Variants in NWD1 observed in about 807,000 individuals in gnomAD.
NWD1 encodes NACHT and WD repeat domain containing 1.
In NWD1, 129 loss-of-function variants were observed where a neutral mutation model predicts 135.1. That is an observed-to-expected ratio of 0.96 (90% CI 0.83 to 1.11). NWD1 has a LOEUF of 1.11. Ranked by LOEUF, NWD1 falls within the 50% of genes least tolerant of loss-of-function variation. The pLI, the probability that NWD1 is intolerant of heterozygous loss-of-function variation, is 0.00. For missense variants in NWD1, 1,740 were observed against 1,851.3 expected, an observed-to-expected ratio of 0.94 and a Z score of 1.10; for synonymous variants, 773 against 786.0, an observed-to-expected ratio of 0.98 and a Z score of 0.28.
intron 1 of NWD1, among the ~76,000 whole-genome samples, chr19:16,723,816 C>T (rs1967226719): frequency 6.6e-6 from 1 of 152,050 alleles, no homozygotes; most frequent in South Asian, 2.1e-4. Context: ...GTGTCTGAGC[C>T]CCCCACGTAG....
chr19:16,797,772 G>A lies in NWD1; in HGVS notation c.3345G>A (p.Arg1115=). ...RSVRIFLADS[R]GFRRFMAMDL... ...TGCGGATATTCTTGGCGGACTCGAG[G>A]GGCTTTCGCCGATTCATGGCCATGG... The change falls in exon 16 of 19, where the codon AGG becomes AGA. Residue 1115 remains arginine, a synonymous_variant. Coordinates refer to ENST00000524140, the MANE Select transcript of NWD1 (RefSeq NM_001007525.5). The A allele has an allele frequency of 6.2e-6, 10 of 1,614,084 alleles. No individual in the cohort carries two copies. The highest frequency in any genetic ancestry group is 7.6e-6 in the Non-Finnish European group (9 of 1,179,994).
rs1440641790 is a variant in NWD1, at chr19:16,765,116, C to G, written c.2334C>G (p.His778Gln). 1 of 1,614,180 alleles carries G rather than the reference C, an allele frequency of 6.2e-7. No homozygotes were observed. The highest frequency in any genetic ancestry group is 1.7e-5 in the Admixed American group (1 of 60,018). ...LLDDFDLCAP[H>Q]LDSPEVGLVR... ...ATGACTTTGACCTGTGTGCCCCTCA[C>G]CTGGACTCCCCTGAGGTTGGCCTGG... is the stretch of plus-strand genomic sequence containing the variant. The change falls in exon 10 of 19, where the codon CAC (histidine) becomes CAG (glutamine). Residue 778 changes from histidine to glutamine, a missense_variant. Transcript: ENST00000524140.
intron 1 of NWD1, among the ~76,000 whole-genome samples, chr19:16,720,725 T>C (rs1967103945): frequency 6.6e-6 from 1 of 152,126 alleles, no homozygotes; most frequent in South Asian, 2.1e-4. Flanking sequence ...GGCTAATTTT[T>C]TGTATTTTTA....
At chr19:16,725,964 T>TC (rs1967313485) in intron 2 of NWD1, among the ~76,000 whole-genome samples, 1 of 131,916 alleles carries the variant, frequency 7.6e-6, no homozygotes, top group Non-Finnish European at 1.7e-5. Context: ...TTGTTTGTTT[T>TC]TTTTTGCTTT....
intron 3 of NWD1, among the ~76,000 whole-genome samples, chr19:16,734,351 ATCCT>A (rs1967702997): frequency 6.6e-6 from 1 of 152,018 alleles, no homozygotes; most frequent in African/African-American, 2.4e-5. Context: ...GATTGAGACC[ATCCT>A]GGCTAACACG....
Position 16,738,850 on chromosome 19 carries a change from A to C in NWD1, c.198+2100A>C, listed in dbSNP as rs1319436444. Among the ~76,000 whole-genome samples the C allele has an allele frequency of 7.3e-5, 10 of 136,204 alleles. 1 individual carries two copies. In the East Asian group the frequency reaches 2.0e-3, roughly 27 times the overall value. The allele number at this position is 136,204 out of a possible 152,430, so 89.4% of individuals were successfully genotyped here. On this transcript the variant is annotated intron_variant, in intron 4 of 18. Transcript: ENST00000524140. The stretch of plus-strand genomic sequence containing the variant: ...AATGTATACATTATATATTATATAT[A>C]ATACATTATCTATAATATATAATAC...
At chr19:16,745,464 C>G (rs1388450588) in intron 5 of NWD1, among the ~76,000 whole-genome samples, 4 of 151,828 alleles carry the variant, frequency 2.6e-5, no homozygotes, top group African/African-American at 9.7e-5. Context: ...CCCAGTAGTG[C>G]CTACCTGTAA....
chr19:16,778,315 G>A (rs1759666560), intron 11 of NWD1, among the ~76,000 whole-genome samples: 1 of 152,034 alleles, frequency 6.6e-6, no homozygotes, highest in Non-Finnish European at 1.5e-5. Context: ...AACTCCACCA[G>A]GCAGAGATCC....
chr19:16,744,856 TCTGAGAAAGGCTGTTTTA>T, intron 5 of NWD1, 138 bp downstream of exon 5: 1 of 734,868 alleles, frequency 1.4e-6, no homozygotes, highest in Non-Finnish European at 2.3e-6. Context: ...GTCCCTCGGC[TCTGAGAAAGGCTGTTTTA>T]CTGATCCAAG....
At chr19:16,814,110 T>C (rs1289937975) in intron 18 of NWD1, among the ~76,000 whole-genome samples, 1 of 152,076 alleles carries the variant, frequency 6.6e-6, no homozygotes, top group African/African-American at 2.4e-5. Flanking sequence ...CAGTGAGCCA[T>C]GATAGCACCA....
chr19:16,767,167 CTTTTTTTTTTTTTT>C (rs56324724), intron 10 of NWD1, among the ~76,000 whole-genome samples: 7 of 67,024 alleles, frequency 1.0e-4, no homozygotes, highest in South Asian at 7.6e-4. Context: ...AGAGGTGCGT[CTTTTTTTTTTTTTT>C]TTTTTTTTTT....
intron 3 of NWD1, among the ~76,000 whole-genome samples, chr19:16,733,201 C>G (rs965805266): frequency 1.3e-5 from 2 of 149,540 alleles, no homozygotes; most frequent in African/African-American, 4.9e-5. Context: ...AGCCTGGGTG[C>G]CAGATTGGGA....
rs1968493458 is a variant in NWD1 at position 16,749,877 on chromosome 19, G to A, written c.1235G>A (p.Arg412Lys). Reference protein sequence around the residue: ...PPAQVLDAHTRVVQFFHTLLH... With the variant: ...PPAQVLDAHTKVVQFFHTLLH... Reference sequence around the variant, plus strand: ...GCCCAGGTTCTGGACGCCCACACCAGGGTGGTCCAGTTTTTCCATACCCTC... The same window carrying A: ...GCCCAGGTTCTGGACGCCCACACCAAGGTGGTCCAGTTTTTCCATACCCTC... The change falls in exon 6 of 19, where the codon AGG (arginine) becomes AAG (lysine). Residue 412 changes from arginine to lysine, a missense_variant. Arg to Lys is a conservative substitution (Grantham distance 26). Transcript: ENST00000524140. 1.2e-6 allele frequency: 2 copies of A among 1,613,278 alleles called. No individual in the cohort carries two copies. The highest frequency in any genetic ancestry group is 2.7e-5 in the African/African-American group (2 of 74,926).
intron 17 of NWD1, among the ~76,000 whole-genome samples, chr19:16,807,292 G>A (rs1970777784): frequency 6.6e-6 from 1 of 151,540 alleles, no homozygotes; most frequent in Non-Finnish European, 1.5e-5. Context: ...TTGGGAGTTA[G>A]AGACCAGCCT....
intron 2 of NWD1, among the ~76,000 whole-genome samples, chr19:16,729,905 AGAAG>A (rs111423166): frequency 0.056 from 8,460 of 150,880 alleles, 276 homozygotes; most frequent in African/African-American, 0.079. Flanking sequence ...AAAGAGAGAG[AGAAG>A]GAAGGAAGGA....
rs148773230 is a variant in NWD1 at position 16,784,679 on chromosome 19, C to T, written c.2732-4303C>T. Among the ~76,000 whole-genome samples the T allele has an allele frequency of 3.8e-3, 581 of 152,026 alleles. 4 individuals carry two copies. The highest frequency in any genetic ancestry group is 0.031 in the Middle Eastern group (9 of 294). Reference sequence around the variant, plus strand: ...GGCGCGGTGGCTCACGCCTGTAATCCCAGCACTTTGGGAGGCCAAGGTGGG... The same window carrying T: ...GGCGCGGTGGCTCACGCCTGTAATCTCAGCACTTTGGGAGGCCAAGGTGGG... On this transcript the variant is annotated intron_variant, in intron 12 of 18. Coordinates refer to ENST00000524140, the MANE Select transcript of NWD1 (RefSeq NM_001007525.5).
At chr19:16,759,492 G>A in intron 7 of NWD1, 64 bp downstream of exon 7, 1 of 1,235,246 alleles carries the variant, frequency 8.1e-7, no homozygotes, top group Non-Finnish European at 1.1e-6. Context: ...AGGACTCACT[G>A]GCCGGGGGTC....
At chr19:16,754,713 A>G (rs955779959) in intron 6 of NWD1, among the ~76,000 whole-genome samples, 3 of 147,568 alleles carry the variant, frequency 2.0e-5, no homozygotes, top group African/African-American at 7.6e-5. Context: ...GCATCCATCC[A>G]TCCATCCATC....
At chr19:16,805,357 C>A (rs566260095) in intron 17 of NWD1, among the ~76,000 whole-genome samples, 1 of 152,120 alleles carries the variant, frequency 6.6e-6, no homozygotes, top group South Asian at 2.1e-4. Flanking sequence ...CTGTGCCCAG[C>A]CAAATTTTGT....
Sources: gnomAD v4.1 joint callset for allele counts (sites outside exome capture counted in the v4.1 genomes callset) on GRCh38, gnomAD v4.1.1 for gene constraint, MANE v1.5 for transcripts, NCBI Gene and HGNC (gene_info 2026-07-23, HGNC 2026-07-21) for gene names.